Variants in CTNND2 observed in about 807,000 individuals in gnomAD.
CTNND2 encodes catenin delta 2.
CTNND2 carries 22 observed loss-of-function variants against 144.4 expected under a neutral mutation model. The observed-to-expected ratio is 0.15, with a 90% CI of 0.11 to 0.22. CTNND2 has a LOEUF of 0.22. CTNND2 is among the 10% of genes least tolerant of loss of function. The pLI, the probability that CTNND2 is intolerant of heterozygous loss-of-function variation, is 1.00. For synonymous variants in CTNND2, 751 were observed against 695.6 expected (o/e 1.08, Z -1.25); for missense variants, 1,353 against 1,618.8 (o/e 0.84, Z 2.82).
chr5:11,761,003 G>A (rs1581839256), intron 1 of CTNND2, among the ~76,000 whole-genome samples: 1 of 152,006 alleles, frequency 6.6e-6, no homozygotes. Context: ...TGTTTTGCCT[G>A]GAATCATTTA....
At chr5:11,391,485 A>T (rs1219624376) in intron 6 of CTNND2, among the ~76,000 whole-genome samples, 2 of 152,152 alleles carry the variant, frequency 1.3e-5, no homozygotes, top group African/African-American at 4.8e-5. Flanking sequence ...TACATCCCCA[A>T]ATAAGTTGTG....
intron 10 of CTNND2, among the ~76,000 whole-genome samples, chr5:11,221,984 GTCT>G (rs1363526759): frequency 3.9e-5 from 6 of 152,178 alleles, no homozygotes; most frequent in Admixed American, 3.3e-4. Context: ...TCAGGTACAG[GTCT>G]TCTTCTCTAA....
At chr5:11,195,268 T>A (rs1047021963) in intron 11 of CTNND2, among the ~76,000 whole-genome samples, 1 of 152,206 alleles carries the variant, frequency 6.6e-6, no homozygotes, top group African/African-American at 2.4e-5. Flanking sequence ...GAATTTTCCA[T>A]CTAGAATTGT....
At chr5:11,078,374 G>GA (rs1185452942) in intron 16 of CTNND2, among the ~76,000 whole-genome samples, 1 of 152,060 alleles carries the variant, frequency 6.6e-6, no homozygotes, top group African/African-American at 2.4e-5. Flanking sequence ...TCTCAGTCAA[G>GA]AAAAAAATAT....
chr5:11,243,115 T>G (rs1742630732), intron 9 of CTNND2, among the ~76,000 whole-genome samples: 1 of 152,246 alleles, frequency 6.6e-6, no homozygotes, highest in African/African-American at 2.4e-5. Flanking sequence ...TATACTTATT[T>G]GAAGAACTCT....
intron 2 of CTNND2, among the ~76,000 whole-genome samples, chr5:11,625,628 T>C (rs539673116): frequency 6.6e-6 from 1 of 152,196 alleles, no homozygotes; most frequent in African/African-American, 2.4e-5. Context: ...TCATCAAAAT[T>C]ACAAAGTTAT....
chr5:11,788,613 T>G (rs1475072018), intron 1 of CTNND2, among the ~76,000 whole-genome samples: 1 of 152,188 alleles, frequency 6.6e-6, no homozygotes, highest in Non-Finnish European at 1.5e-5. Context: ...AAGAGCTTAG[T>G]GATGCAATCC....
intron 3 of CTNND2, among the ~76,000 whole-genome samples, chr5:11,504,814 C>T (rs62337555): frequency 0.13 from 19,200 of 152,172 alleles, 1,239 homozygotes; most frequent in Middle Eastern, 0.27. Context: ...TTCCCCACAT[C>T]CTACTACCGA....
At chr5:11,124,454 A>G (rs1580351575) in intron 12 of CTNND2, among the ~76,000 whole-genome samples, 1 of 152,198 alleles carries the variant, frequency 6.6e-6, no homozygotes, top group East Asian at 1.9e-4. Flanking sequence ...GATTCCACGA[A>G]GCACACTTGC....
chr5:11,094,848 A>T (rs913446476), intron 15 of CTNND2, among the ~76,000 whole-genome samples: 5 of 152,124 alleles, frequency 3.3e-5, no homozygotes, highest in African/African-American at 1.2e-4. Context: ...CTAAAACAGA[A>T]CAGCTTCTGT....
intron 5 of CTNND2, among the ~76,000 whole-genome samples, chr5:11,403,498 G>A (rs1302100170): frequency 6.6e-6 from 1 of 152,140 alleles, no homozygotes; most frequent in Non-Finnish European, 1.5e-5. Flanking sequence ...ACTTTAGTTT[G>A]GAATGTGTAC....
At chr5:11,012,400 C>T (rs921815367) in intron 18 of CTNND2, among the ~76,000 whole-genome samples, 5 of 152,286 alleles carry the variant, frequency 3.3e-5, no homozygotes, top group East Asian at 3.9e-4. Flanking sequence ...GGGCTTGTCC[C>T]GCTGCTTCCA....
intron 1 of CTNND2, among the ~76,000 whole-genome samples, chr5:11,829,848 C>T (rs1180682299): frequency 6.6e-6 from 1 of 152,190 alleles, no homozygotes; most frequent in East Asian, 1.9e-4. Flanking sequence ...AAGCCACAGA[C>T]ACTCAAAGTA....
intron 9 of CTNND2, among the ~76,000 whole-genome samples, chr5:11,339,598 G>A (rs1754044869): frequency 6.6e-6 from 1 of 152,198 alleles, no homozygotes; most frequent in Admixed American, 6.5e-5. Flanking sequence ...CTGAATGTTT[G>A]TGACCCCCTA....
At chr5:11,543,913 C>A (rs1330274412) in intron 3 of CTNND2, among the ~76,000 whole-genome samples, 1 of 152,144 alleles carries the variant, frequency 6.6e-6, no homozygotes, top group African/African-American at 2.4e-5. Context: ...ACCTTAAACT[C>A]TGACCTCATG....
intron 1 of CTNND2, among the ~76,000 whole-genome samples, chr5:11,784,090 G>A (rs1381704921): frequency 1.3e-5 from 2 of 152,142 alleles, no homozygotes; most frequent in Non-Finnish European, 2.9e-5. Context: ...ACACACTAGG[G>A]AATAAGCTGA....
intron 1 of CTNND2, among the ~76,000 whole-genome samples, chr5:11,863,986 T>C (rs1251706937): frequency 6.6e-6 from 1 of 152,220 alleles, no homozygotes; most frequent in Non-Finnish European, 1.5e-5. Context: ...CACGTTCTTT[T>C]AGCAGTTCGG....
chr5:11,557,829 A>G (rs1025786954), intron 3 of CTNND2, among the ~76,000 whole-genome samples: 1 of 152,136 alleles, frequency 6.6e-6, no homozygotes, highest in African/African-American at 2.4e-5. Flanking sequence ...ATTTTCTTCC[A>G]CCTAATAATC....
intron 12 of CTNND2, among the ~76,000 whole-genome samples, chr5:11,155,405 C>T (rs147380710): frequency 2.0e-5 from 3 of 152,304 alleles, no homozygotes; most frequent in African/African-American, 7.2e-5. Context: ...TAAGCCTCTC[C>T]AACATTTTGC....
Sources: gnomAD v4.1 joint callset for allele counts (sites outside exome capture counted in the v4.1 genomes callset) on GRCh38, gnomAD v4.1.1 for gene constraint, MANE v1.5 for transcripts, NCBI Gene and HGNC (gene_info 2026-07-23, HGNC 2026-07-21) for gene names.